The following POLE variants were observed in gnomAD, a reference collection of about 807,000 sequenced individuals.
POLE encodes DNA polymerase epsilon catalytic subunit A.
POLE carries 188 observed loss-of-function variants against 279.2 expected under a neutral mutation model. The ratio of observed to expected loss-of-function variants is 0.67; its 90% CI spans 0.60 to 0.76. The LOEUF is 0.76. Among genes scored for constraint, POLE ranks in the 30% least tolerant of loss-of-function variants. The pLI is 0.00. For synonymous variants in POLE, 1,214 were observed against 1,172.5 expected (o/e 1.04, Z -0.72); for missense variants, 2,703 against 3,016.7 (o/e 0.90, Z 2.44).
intron 46 of POLE, 94 bp downstream of exon 46, chr12:132,626,023 C>A: frequency 1.5e-6 from 2 of 1,294,846 alleles, no homozygotes; most frequent in Admixed American, 2.0e-5. Context: ...GCAGGTGTGA[C>A]CCACAGAGCT....
intron 26 of POLE, chr12:132,658,219 T>C (rs556692286): frequency 4.5e-6 from 2 of 440,276 alleles, no homozygotes; most frequent in Non-Finnish European, 8.4e-6. Flanking sequence ...AGCGTAACCA[T>C]GGGCATGCAT....
chr12:132,662,527 G>A lies in POLE; in HGVS notation c.2707-843C>T, dbSNP rs73483360. On this transcript the variant is annotated intron_variant, in intron 23 of 48. Transcript: ENST00000320574. ...CACAGAAATAAACAGTTCTGTGTGC[G>A]TGCGTTACTAGAGACATACTTCCTG... Among the ~76,000 whole-genome samples the A allele has an allele frequency of 2.7e-3, 417 of 152,324 alleles. 2 individuals are homozygous for A. Among genetic ancestry groups the A allele is most frequent in the African/African-American group, 9.3e-3 (388 of 41,572 alleles).
intron 1 of POLE, among the ~76,000 whole-genome samples, chr12:132,683,492 T>C (rs575364944): frequency 6.6e-6 from 1 of 152,314 alleles, no homozygotes; most frequent in Admixed American, 6.5e-5. Flanking sequence ...ATATAGTCAC[T>C]AAGTGATCAT....
chr12:132,628,862 T>C (rs774875851), intron 45 of POLE, among the ~76,000 whole-genome samples: 67 of 152,264 alleles, frequency 4.4e-4, no homozygotes, highest in Non-Finnish European at 8.7e-4. Context: ...CTCAAAGTCA[T>C]CCATGAGGGT....
In POLE at chr12:132,661,308, G is replaced by A; in HGVS notation, c.2865-144C>T. 1.0e-6 allele frequency: 1 copy of A among 961,162 alleles called. No individual in the cohort carries two copies. Among genetic ancestry groups the A allele is most frequent in the Non-Finnish European group, 1.5e-6 (1 of 645,230 alleles). The allele number at this position is 961,162 out of a possible 1,614,324, so 59.5% of individuals were successfully genotyped here. A position where few individuals can be genotyped will look rare whatever the true frequency, so the allele number is the denominator to read the frequency against. ...GGCAGCAAACGTCTCTCTCCCTTAG[G>A]CCACTGCTTCTCTAAAAGGAAAATG... is the stretch of plus-strand genomic sequence containing the variant. On this transcript the variant is annotated intron_variant, in intron 24 of 48. Coordinates refer to ENST00000320574, the MANE Select transcript of POLE (RefSeq NM_006231.4). The surrounding 1 kb of genome is among the most constrained non-coding windows in gnomAD (Gnocchi z 4.1).
intron 1 of POLE, among the ~76,000 whole-genome samples, chr12:132,685,194 C>T (rs2043233282): frequency 6.6e-6 from 1 of 150,902 alleles, no homozygotes; most frequent in South Asian, 2.1e-4. Flanking sequence ...CACAGGCTTT[C>T]ATTCACAGAG....
Position 132,639,770 on chromosome 12 carries a change from G to A in POLE, c.5379-472C>T, listed in dbSNP as rs566604003. Among the ~76,000 whole-genome samples, 138 of 152,258 alleles carry A rather than the reference G, an allele frequency of 9.1e-4. No individual in the cohort carries two copies. The highest frequency in any genetic ancestry group is 3.1e-3 in the African/African-American group (128 of 41,540). ...AGTTTGAGACCAACCTGGCCAACAT[G>A]GTGAAACCCCGTCTCTATTAAAAAT... On this transcript the variant is annotated intron_variant, in intron 39 of 48. Transcript: ENST00000320574. This position sits in a 1 kb window ranked among gnomAD's most constrained non-coding sequence, Gnocchi z 4.7.
chr12:132,671,963 C>T (rs2042937641), intron 16 of POLE, among the ~76,000 whole-genome samples: 1 of 152,172 alleles, frequency 6.6e-6, no homozygotes, highest in African/African-American at 2.4e-5. Context: ...ACACGGGATA[C>T]ATCCCACCAG....
intron 8 of POLE, 27 bp from the exon 9 acceptor site, chr12:132,676,680 C>G (rs369586154): frequency 2.0e-6 from 3 of 1,483,446 alleles, no homozygotes; most frequent in Non-Finnish European, 2.8e-6. Context: ...AGCATAAAGC[C>G]AAGCTCTAAA....
rs377324348 is a variant in POLE, at chr12:132,649,493, C to A, written c.3818G>T (p.Arg1273Leu). ...TSQEEWLVWLRFHKKKWQLQA... is the reference protein window; with the variant it reads ...TSQEEWLVWLLFHKKKWQLQA... ...CAGCTGCCACTTCTTCTTGTGGAAC[C>A]GGAGCCAGACAAGCCATTCCTCCTG... Residue 1273 changes from arginine (R) to leucine (L), a missense_variant, in exon 31 of 49, where the codon CGG becomes CTG. Arg to Leu is a moderately radical substitution (Grantham distance 102). This residue lies in a region of POLE where 1,551 missense variants were observed against 1,686.1 expected (regional missense o/e 0.92). Transcript: ENST00000320574. The A allele has an allele frequency of 6.2e-7, 1 of 1,612,042 alleles. No individual in the cohort carries two copies. Among genetic ancestry groups the A allele is most frequent in the Non-Finnish European group, 8.5e-7 (1 of 1,179,982 alleles).
In POLE at chr12:132,661,455, T is replaced by G. The variant is rs546860654; in HGVS notation, c.2864+72A>C. ...TTCTATCCTGGCTCCTGATCCAACC[T>G]CCTTTCTGGGCTAAATTTAATCTAT... On this transcript the variant is annotated intron_variant, in intron 24 of 48. Transcript: ENST00000320574. The surrounding 1 kb of genome is among the most constrained non-coding windows in gnomAD (Gnocchi z 4.1). The G allele has an allele frequency of 1.2e-4, 185 of 1,524,112 alleles. 1 individual carries two copies. The highest frequency in any genetic ancestry group is 1.8e-4 in the Admixed American group (10 of 54,596). 94.4% of individuals were successfully genotyped at this position (1,524,112 alleles called of 1,614,324 possible).
rs760222689 is a variant in POLE, at chr12:132,649,405, G to T, written c.3906C>A (p.Leu1302=). The T allele has an allele frequency of 6.2e-7, 1 of 1,613,254 alleles. No homozygotes were observed. The highest frequency in any genetic ancestry group is 2.2e-5 in the East Asian group (1 of 44,874). ...GACCATCCCGGATGGCCCCGGGCCT[G>T]AGCACACCCTCTGCCGACTCCAGAC... ...RQRLESAEGV[L]RPGAIRDGPA... Residue 1302 remains leucine (L), a synonymous_variant, in exon 31 of 49, where the codon CTC becomes CTA. Coordinates refer to ENST00000320574, the MANE Select transcript of POLE (RefSeq NM_006231.4).
In POLE at chr12:132,668,998, C is replaced by T. The variant is rs2042864036; in HGVS notation, c.1795-59G>A. On this transcript the variant is annotated intron_variant, in intron 16 of 48. Transcript: ENST00000320574. This position sits in a 1 kb window ranked among gnomAD's most constrained non-coding sequence, Gnocchi z 4.0. ...GACCAAGCTTGCCTCGTGTGCAGTTCACCAACCCCTTTTAGACATTCAGGA... is the reference window on the plus strand; with the variant it reads ...GACCAAGCTTGCCTCGTGTGCAGTTTACCAACCCCTTTTAGACATTCAGGA... 1.3e-6 allele frequency: 2 copies of T among 1,554,136 alleles called. No individual in the cohort carries two copies. The highest frequency in any genetic ancestry group is 1.2e-5 in the South Asian group (1 of 85,138).
At position 132,632,750 on chromosome 12, in the gene POLE, C is replaced by A. The variant is rs144178150; in HGVS notation, c.6050G>T (p.Arg2017Leu). 9 of 1,612,682 alleles carry A rather than the reference C, an allele frequency of 5.6e-6. No homozygotes were observed. Among genetic ancestry groups the A allele is most frequent in the Non-Finnish European group, 7.6e-6 (9 of 1,179,938 alleles). ...CACGGGGGTGCTCCCTGGAGCACTG[C>A]GCCTCAGCCCGTCCTTCATGCAGTG... ...VYHCMKDGLR[R>L]SAPGSTPVRR... The change falls in exon 44 of 49, where the codon CGC becomes CTC. Residue 2017 changes from arginine to leucine, a missense_variant. Physicochemically the swap from Arg to Leu is moderately radical, Grantham distance 102. Transcript: ENST00000320574.
At position 132,661,918 on chromosome 12, in the gene POLE, C is replaced by G. The variant is rs1593778136; in HGVS notation, c.2707-234G>C. Among the ~76,000 whole-genome samples the G allele has an allele frequency of 1.3e-5, 2 of 152,210 alleles. No individual in the cohort carries two copies. The highest frequency in any genetic ancestry group is 4.8e-5 in the African/African-American group (2 of 41,452). ...CCAAAATGCTACAGGCCGTATGCTT[C>G]CCTTTACATGACATTTTCGACAAAG... On this transcript the variant is annotated intron_variant, in intron 23 of 48. Coordinates refer to ENST00000320574, the MANE Select transcript of POLE (RefSeq NM_006231.4). The surrounding 1 kb of genome is among the most constrained non-coding windows in gnomAD (Gnocchi z 4.1).
Position 132,677,388 on chromosome 12 carries a change from C to T in POLE, c.776G>A (p.Arg259His), listed in dbSNP as rs61732929. 9.4e-3 allele frequency: 15,171 copies of T among 1,613,816 alleles called. 97 individuals are homozygous for T. The highest frequency in any genetic ancestry group is 0.012 in the Non-Finnish European group (14,067 of 1,179,774). ...RGNAFPVEITRRDDLVERPDP... is the reference protein window; with the variant it reads ...RGNAFPVEITHRDDLVERPDP... ...AGGTCGTTCAACAAGGTCATCTCGG[C>T]GGGTGATTTCTACCGGAAAAGCATT... The change falls in exon 8 of 49, where the codon CGC becomes CAC. Residue 259 changes from arginine to histidine, a missense_variant. Around this residue, in one of 5 missense-constraint regions of POLE, gnomAD observed 1,011 missense variants for 1,111.7 expected, o/e 0.91. Transcript: ENST00000320574.
chr12:132,673,141 C>T (rs762847602), intron 14 of POLE, 23 bp downstream of exon 14: 5 of 1,465,024 alleles, frequency 3.4e-6, no homozygotes, highest in Non-Finnish European at 4.8e-6. Flanking sequence ...GGCCAGGGTG[C>T]CGACAGGACA....
At position 132,635,796 on chromosome 12, in the gene POLE, G is replaced by A. The variant is rs5744993; in HGVS notation, c.5811+96C>T. 200,096 of 1,350,240 alleles carry A rather than the reference G, an allele frequency of 0.15. 15,545 individuals carry two copies. The highest frequency in any genetic ancestry group is 0.21 in the Admixed American group (9,347 of 45,154). 83.6% of individuals were successfully genotyped at this position (1,350,240 alleles called of 1,614,324 possible). On this transcript the variant is annotated intron_variant, in intron 42 of 48. Transcript: ENST00000320574. ...TGCGGGTGCAGTGTCTGCTGCTCAC[G>A]GCCAGGCCCGCCGGGGCCCTGAGCA... is the stretch of plus-strand genomic sequence containing the variant.
chr12:132,641,617 AG>A (rs2042142759), intron 39 of POLE, 29 bp downstream of exon 39: 1 of 1,579,278 alleles, frequency 6.3e-7, no homozygotes, highest in Admixed American at 1.7e-5. Context: ...CCCTTCTATT[AG>A]TAACACTCCT....
Sources: allele counts gnomAD v4.1 joint callset (sites outside exome capture counted in the v4.1 genomes callset), GRCh38; gene constraint gnomAD v4.1.1; regional missense constraint gnomAD v4.1.1; non-coding constraint Gnocchi (gnomAD v3.1); transcripts MANE v1.5; gene names NCBI Gene and HGNC (gene_info 2026-07-23, HGNC 2026-07-21).